AGTPBP1: variants seen among roughly 807,000 people sequenced by gnomAD.
AGTPBP1 encodes ATP/GTP binding carboxypeptidase 1, also known as cytosolic carboxypeptidase 1.
A neutral mutation model predicts 143.9 loss-of-function variants in AGTPBP1; 70 were observed. That is an observed-to-expected ratio of 0.49 (90% CI 0.40 to 0.59). AGTPBP1 has a LOEUF of 0.59. AGTPBP1 is among the 20% of genes least tolerant of loss of function. AGTPBP1 has a pLI of 0.00. For missense variants in AGTPBP1, 1,229 were observed against 1,464.5 expected (o/e 0.84, Z 2.62); for synonymous variants, 463 against 500.2 (o/e 0.93, Z 0.99).
At position 85,661,019 on chromosome 9, in the gene AGTPBP1, A is replaced by G. The variant is rs781379854; in HGVS notation, c.663-46T>C. On this transcript the variant is annotated intron_variant, in intron 8 of 25. Transcript: ENST00000357081. ...CACAAACAACAACAAAACTAGTAAA[A>G]TTAATCTACAATAGTAAATTCATAC... 2.0e-6 allele frequency: 3 copies of G among 1,475,546 alleles called. No homozygotes were observed. The South Asian group carries it at 3.8e-5, about 19-fold the overall frequency. The allele number at this position is 1,475,546 out of a possible 1,614,324, so 91.4% of individuals were successfully genotyped here. A position where few individuals can be genotyped will look rare whatever the true frequency, so the allele number is the denominator to read the frequency against.
At chr9:85,751,352 A>G in the AGTPBP1 span, among the ~76,000 whole-genome samples, 1 of 152,224 alleles carries the variant, frequency 6.6e-6, no homozygotes, top group Admixed American at 6.5e-5. Context: ...TAAAACATGA[A>G]TTAGTAGAAA....
the AGTPBP1 span, chr9:85,756,102 A>C: frequency 6.4e-7 from 1 of 1,574,054 alleles, no homozygotes; most frequent in Non-Finnish European, 8.6e-7. Context: ...AAATAGTTAG[A>C]TGAAGAAGTA....
chr9:85,666,510 G>A (rs1386791271), intron 8 of AGTPBP1, among the ~76,000 whole-genome samples: 1 of 152,042 alleles, frequency 6.6e-6, no homozygotes, highest in Non-Finnish European at 1.5e-5. Context: ...TCAATGAATG[G>A]CTTGTTCTTT....
At chr9:85,549,241 T>A (rs1216398526) in intron 25 of AGTPBP1, among the ~76,000 whole-genome samples, 1 of 152,140 alleles carries the variant, frequency 6.6e-6, no homozygotes, top group Non-Finnish European at 1.5e-5. Flanking sequence ...ACTAAAAAGT[T>A]ATGCACTGTG....
chr9:85,578,840 T>C (rs966558999), intron 24 of AGTPBP1, 80 bp downstream of exon 24: 59 of 1,385,010 alleles, frequency 4.3e-5, no homozygotes, highest in Non-Finnish European at 5.9e-5. Flanking sequence ...TCATTTAATA[T>C]ATACTTAAAA....
Position 85,547,076 on chromosome 9 carries a change from A to G in AGTPBP1, c.*33T>C. 6.5e-7 allele frequency: 1 copy of G among 1,543,996 alleles called. No individual in the cohort carries two copies. Among genetic ancestry groups the G allele is most frequent in the Non-Finnish European group, 8.7e-7 (1 of 1,148,040 alleles). ...AAATAAAAACCAAGATATTTCATTTATTCTTTGCAGTTAACAAGAGATGGC... is the reference window on the plus strand; with the variant it reads ...AAATAAAAACCAAGATATTTCATTTGTTCTTTGCAGTTAACAAGAGATGGC... On this transcript the variant is annotated 3_prime_UTR_variant, in exon 26 of 26. Coordinates refer to ENST00000357081, the MANE Select transcript of AGTPBP1 (RefSeq NM_001330701.2).
At chr9:85,592,836 T>C in intron 18 of AGTPBP1, 132 bp from the exon 19 acceptor site, 1 of 1,049,964 alleles carries the variant, frequency 9.5e-7, no homozygotes. Context: ...TTAAATACCC[T>C]ATTTTAAAAA....
chr9:85,671,347 T>G (rs1377399449), intron 7 of AGTPBP1, among the ~76,000 whole-genome samples: 2 of 152,176 alleles, frequency 1.3e-5, no homozygotes, highest in African/African-American at 4.8e-5. Context: ...ATTTCTTGAC[T>G]TTACTGGTGT....
the AGTPBP1 span, among the ~76,000 whole-genome samples, chr9:85,784,415 AT>A: frequency 7.3e-5 from 11 of 151,194 alleles, no homozygotes; most frequent in Non-Finnish European, 1.3e-4. Context: ...GGGGAGCAGG[AT>A]TTTTTTTTAG....
At chr9:85,662,326 T>C (rs1833895416) in intron 8 of AGTPBP1, among the ~76,000 whole-genome samples, 1 of 152,142 alleles carries the variant, frequency 6.6e-6, no homozygotes, top group Non-Finnish European at 1.5e-5. Context: ...ATTTGTAAAA[T>C]AAGAAATTCA....
chr9:85,597,009 T>C (rs1021089715), intron 17 of AGTPBP1, among the ~76,000 whole-genome samples: 3 of 152,154 alleles, frequency 2.0e-5, no homozygotes, highest in Admixed American at 6.5e-5. Flanking sequence ...AATTACTAAA[T>C]GATATATTAG....
At chr9:85,751,677 C>T in the AGTPBP1 span, among the ~76,000 whole-genome samples, 5 of 152,190 alleles carry the variant, frequency 3.3e-5, no homozygotes, top group African/African-American at 7.2e-5. Context: ...TGCAGTGGCG[C>T]GATCTCAGCT....
intron 6 of AGTPBP1, 44 bp from the exon 7 acceptor site, chr9:85,672,725 C>CT: frequency 1.6e-6 from 2 of 1,228,840 alleles, no homozygotes; most frequent in Admixed American, 2.6e-5. Context: ...TACAACTTTT[C>CT]TTTTTAATTT....
chr9:85,773,406 C>T, the AGTPBP1 span, among the ~76,000 whole-genome samples: 1 of 129,996 alleles, frequency 7.7e-6, no homozygotes, highest in Admixed American at 8.8e-5. Flanking sequence ...GATCTTGGCT[C>T]CACTGCAGAC....
At chr9:85,795,905 G>T in the AGTPBP1 span, among the ~76,000 whole-genome samples, 1 of 117,496 alleles carries the variant, frequency 8.5e-6, no homozygotes, top group South Asian at 3.0e-4. Flanking sequence ...TGTTTTTGAT[G>T]AGGTTGAAGA....
intron 3 of AGTPBP1, among the ~76,000 whole-genome samples, chr9:85,686,862 A>G (rs1284536531): frequency 6.6e-6 from 1 of 152,198 alleles, no homozygotes; most frequent in Non-Finnish European, 1.5e-5. Flanking sequence ...TGTAAAAGAC[A>G]TGAAACAAAA....
chr9:85,601,163 C>T (rs367836847), intron 17 of AGTPBP1, among the ~76,000 whole-genome samples: 64 of 152,224 alleles, frequency 4.2e-4, no homozygotes, highest in African/African-American at 1.4e-3. Context: ...ACAGCTGCTG[C>T]CACTGATAGC....
At chr9:85,592,521 T>C in intron 19 of AGTPBP1, 39 bp downstream of exon 19, 1 of 1,434,686 alleles carries the variant, frequency 7.0e-7, no homozygotes, top group Middle Eastern at 1.9e-4. Flanking sequence ...CATTATCTTA[T>C]ACATATCCAT....
chr9:85,687,837 C>T (rs908967491), intron 3 of AGTPBP1, among the ~76,000 whole-genome samples: 12 of 151,924 alleles, frequency 7.9e-5, no homozygotes, highest in African/African-American at 2.7e-4. Flanking sequence ...TGCCTGTAAT[C>T]CCAGGACTTT....
Sources: gnomAD v4.1 joint callset for allele counts (sites outside exome capture counted in the v4.1 genomes callset) on GRCh38, gnomAD v4.1.1 for gene constraint, MANE v1.5 for transcripts, NCBI Gene and HGNC (gene_info 2026-07-23, HGNC 2026-07-21) for gene names.